POLR1B: variants seen among roughly 807,000 people sequenced by gnomAD.
POLR1B encodes the protein RNA polymerase I subunit B, also known as DNA-directed RNA polymerase I subunit RPA2.
POLR1B carries 30 observed loss-of-function variants against 105.8 expected under a neutral mutation model. That is an observed-to-expected ratio of 0.28 (90% CI 0.21 to 0.38). The LOEUF (loss-of-function observed/expected upper bound fraction) is 0.38. POLR1B is among the 10% of genes least tolerant of loss of function. POLR1B has a pLI of 1.00. For synonymous variants in POLR1B, 485 were observed against 505.1 expected (o/e 0.96, Z 0.53); for missense variants, 976 against 1,435.8 (o/e 0.68, Z 5.17).
At chr2:112,549,774 GATGTACA>G (rs1683266734) in intron 4 of POLR1B, among the ~76,000 whole-genome samples, 1 of 152,160 alleles carries the variant, frequency 6.6e-6, no homozygotes. Flanking sequence ...CTGGGGATCT[GATGTACA>G]GCCTGGTGAT....
intron 12 of POLR1B, among the ~76,000 whole-genome samples, chr2:112,569,168 T>C (rs1294552539): frequency 6.6e-6 from 1 of 152,232 alleles, no homozygotes; most frequent in Admixed American, 6.5e-5. Context: ...GAAAAAGGTA[T>C]AGAATGTCCA....
chr2:112,569,382 T>C (rs1481701609), intron 12 of POLR1B, among the ~76,000 whole-genome samples: 2 of 152,196 alleles, frequency 1.3e-5, no homozygotes, highest in African/African-American at 4.8e-5. Context: ...ATTCTCTTTG[T>C]TTTCATTTAT....
chr2:112,562,580 A>G (rs1002270036), intron 9 of POLR1B, among the ~76,000 whole-genome samples: 7 of 152,132 alleles, frequency 4.6e-5, no homozygotes, highest in African/African-American at 1.7e-4. Flanking sequence ...AGAATACTTT[A>G]TTGCTAAAAA....
At chr2:112,549,161 G>A (rs1371688580) in intron 3 of POLR1B, 106 bp from the exon 4 acceptor site, 1 of 1,251,226 alleles carries the variant, frequency 8.0e-7, no homozygotes, top group Non-Finnish European at 1.2e-6. Context: ...TTTCACCTCT[G>A]TGTTCCTATT....
chr2:112,558,662 A>G (rs1574110615), intron 8 of POLR1B, among the ~76,000 whole-genome samples: 1 of 151,568 alleles, frequency 6.6e-6, no homozygotes, highest in East Asian at 2.0e-4. Flanking sequence ...TCTGTCACCC[A>G]GTCTAAAGTG....
At position 112,542,567 on chromosome 2, in the gene POLR1B, G is replaced by A; in HGVS notation, c.73G>A (p.Gly25Arg). ...SLKHLTDPSY[G>R]IPREQQKAAL... Reference sequence around the variant, plus strand: ...AAAGCACTTGACTGACCCCTCTTATGGAATCCCGCGGGAACAGCAAAAGGC... The same window carrying A: ...AAAGCACTTGACTGACCCCTCTTATAGAATCCCGCGGGAACAGCAAAAGGC... Residue 25 changes from glycine to arginine, a missense_variant, in exon 1 of 15, where the codon GGA (glycine) becomes AGA (arginine). Physicochemically the swap from Gly to Arg is moderately radical, Grantham distance 125. Coordinates refer to ENST00000263331, the MANE Select transcript of POLR1B (RefSeq NM_019014.6). 3 of 1,614,160 alleles carry A rather than the reference G, an allele frequency of 1.9e-6. No homozygotes were observed. Among genetic ancestry groups the A allele is most frequent in the Non-Finnish European group, 2.5e-6 (3 of 1,180,042 alleles).
intron 9 of POLR1B, among the ~76,000 whole-genome samples, chr2:112,561,073 AAAGAG>A (rs768373450): frequency 3.9e-5 from 6 of 152,020 alleles, no homozygotes; most frequent in Non-Finnish European, 8.8e-5. Flanking sequence ...TAAAAAAAAA[AAAGAG>A]AGAGAGAGTG....
intron 7 of POLR1B, among the ~76,000 whole-genome samples, chr2:112,554,278 G>A (rs1265258395): frequency 2.6e-5 from 4 of 151,274 alleles, no homozygotes; most frequent in Admixed American, 6.6e-5. Flanking sequence ...GATTACAGGC[G>A]CGTGCCACCA....
chr2:112,572,061 T>G (rs757267006), intron 12 of POLR1B, among the ~76,000 whole-genome samples: 9 of 152,234 alleles, frequency 5.9e-5, no homozygotes, highest in Non-Finnish European at 1.0e-4. Flanking sequence ...GTGAAATGAT[T>G]CTCTGTACTG....
In POLR1B at chr2:112,564,294, C is replaced by G. The variant is rs1031411089; in HGVS notation, c.1613-72C>G. The stretch of plus-strand genomic sequence containing the variant: ...CTGAACTGATACAGCAGCTGTTGAC[C>G]CCATCTGGAGGGAATCTGGAATGTT... On this transcript the variant is annotated intron_variant, in intron 9 of 14. Coordinates refer to ENST00000263331, the MANE Select transcript of POLR1B (RefSeq NM_019014.6). The G allele has an allele frequency of 2.6e-6, 4 of 1,558,202 alleles. No individual in the cohort carries two copies. The African/African-American group carries it at 5.4e-5, about 21-fold the overall frequency.
chr2:112,560,054 A>C (rs1683892408), intron 9 of POLR1B, among the ~76,000 whole-genome samples: 1 of 151,996 alleles, frequency 6.6e-6, no homozygotes, highest in African/African-American at 2.4e-5. Flanking sequence ...TCCTCTGTAG[A>C]AGGCCGAATG....
intron 10 of POLR1B, among the ~76,000 whole-genome samples, chr2:112,566,786 G>A (rs922789683): frequency 6.7e-6 from 1 of 149,734 alleles, no homozygotes; most frequent in African/African-American, 2.5e-5. Flanking sequence ...AGGCTGCAGT[G>A]CAGTGGTGTG....
chr2:112,573,917 G>A, intron 14 of POLR1B, 102 bp downstream of exon 14: 10 of 1,386,514 alleles, frequency 7.2e-6, no homozygotes, highest in Non-Finnish European at 9.8e-6. Flanking sequence ...AGTGATCTCA[G>A]CTCACTACAA....
Position 112,574,723 on chromosome 2 carries a change from TA to T in POLR1B, c.2526-102del, listed in dbSNP as rs61116291. 79,064 of 567,356 alleles carry T rather than the reference TA, an allele frequency of 0.14. 2,126 individuals are homozygous for T. Among genetic ancestry groups the T allele is most frequent in the African/African-American group, 0.21 (8,809 of 41,158 alleles). The allele number at this position is 567,356 out of a possible 1,614,324, so 35.1% of individuals were successfully genotyped here. On this transcript the variant is annotated intron_variant, in intron 14 of 14. Coordinates refer to ENST00000263331, the MANE Select transcript of POLR1B (RefSeq NM_019014.6). ...GGCAACAGAGTGAGACCCTGTATCA[TA>T]AAAAAAAAAAAAAAAAAAAAAGTTT...
At position 112,549,441 on chromosome 2, in the gene POLR1B, T is replaced by G. The variant is rs568216286; in HGVS notation, c.625+42T>G. ...ATTAGAATATTTTTTAAGGAAAATT[T>G]AAAACTTTTTTTTTTTTTGAAGTAG... On this transcript the variant is annotated intron_variant, in intron 4 of 14. Transcript: ENST00000263331. 4.7e-6 allele frequency: 7 copies of G among 1,477,788 alleles called. No homozygotes were observed. The South Asian group carries it at 6.8e-5, about 14-fold the overall frequency. The allele number at this position is 1,477,788 out of a possible 1,614,324, so 91.5% of individuals were successfully genotyped here.
chr2:112,556,010 G>A (rs962339876), intron 7 of POLR1B, among the ~76,000 whole-genome samples: 2 of 152,086 alleles, frequency 1.3e-5, no homozygotes, highest in Non-Finnish European at 2.9e-5. Context: ...ACCCAAATAA[G>A]GAAGTAGACA....
At chr2:112,564,565 T>C (rs767210497) in intron 10 of POLR1B, 66 bp downstream of exon 10, 46 of 1,605,902 alleles carry the variant, frequency 2.9e-5, no homozygotes, top group Non-Finnish European at 3.5e-5. Context: ...CTTTCTAGTT[T>C]TGGGGTTAAC....
chr2:112,567,831 T>C, intron 10 of POLR1B, 136 bp from the exon 11 acceptor site: 1 of 666,780 alleles, frequency 1.5e-6, no homozygotes, highest in Non-Finnish European at 2.6e-6. Context: ...GCCTACTAGC[T>C]GGGGTGAGCA....
intron 9 of POLR1B, among the ~76,000 whole-genome samples, chr2:112,564,098 A>G (rs1038139396): frequency 2.3e-4 from 35 of 152,108 alleles, no homozygotes; most frequent in African/African-American, 8.5e-4. Context: ...AACAGATATA[A>G]TAATAATAAT....
Sources: gnomAD v4.1 joint callset for allele counts (sites outside exome capture counted in the v4.1 genomes callset) on GRCh38, gnomAD v4.1.1 for gene constraint, MANE v1.5 for transcripts, NCBI Gene and HGNC (gene_info 2026-07-23, HGNC 2026-07-21) for gene names.